Variants in TET2 observed in about 807,000 individuals in gnomAD.
TET2 encodes the protein methylcytosine dioxygenase TET2.
A neutral mutation model predicts 142.9 loss-of-function variants in TET2; 299 were observed. The ratio of observed to expected loss-of-function variants is 2.09; its 90% CI spans 1.90 to 2.30. The LOEUF (loss-of-function observed/expected upper bound fraction) is 2.30. Among genes scored for constraint, TET2 ranks in the 30% most tolerant of loss-of-function variants. TET2 has a pLI of 0.00. For synonymous variants in TET2, 819 were observed against 849.0 expected (o/e 0.96, Z 0.61); for missense variants, 2,418 against 2,378.0 (o/e 1.02, Z -0.35).
rs557318487 is a variant in TET2, at chr4:105,241,591, C to A, written c.3500+162C>A. The A allele has an allele frequency of 1.6e-4, 218 of 1,367,332 alleles. 1 individual carries two copies. In the South Asian group the frequency reaches 2.3e-3, roughly 14 times the overall value. 84.7% of individuals were successfully genotyped at this position (1,367,332 alleles called of 1,614,324 possible). On this transcript the variant is annotated intron_variant, in intron 4 of 10. Transcript: ENST00000380013. ...CCAACACTACACACTGTGCTATTCA[C>A]CAGAGAGTCACAATATTTGACAGGA...
chr4:105,239,080 T>G (rs1184733498), intron 3 of TET2: 2 of 231,150 alleles, frequency 8.7e-6, no homozygotes, highest in Non-Finnish European at 1.8e-5. Context: ...TTTTGTTTTT[T>G]TTTTTTGTTT....
intron 4 of TET2, chr4:105,242,611 T>C (rs1182823588): frequency 7.9e-7 from 1 of 1,259,746 alleles, no homozygotes; most frequent in Non-Finnish European, 1.0e-6. Flanking sequence ...ATTTACAAAA[T>C]AGTTCATTAC....
intron 2 of TET2, among the ~76,000 whole-genome samples, chr4:105,216,036 TTAAA>T (rs1727472906): frequency 1.3e-5 from 2 of 152,172 alleles, no homozygotes; most frequent in African/African-American, 4.8e-5. Context: ...TGTTCTCCCC[TTAAA>T]TAAAGTTAAT....
At chr4:105,198,941 C>A (rs1726266921) in intron 2 of TET2, among the ~76,000 whole-genome samples, 1 of 152,122 alleles carries the variant, frequency 6.6e-6, no homozygotes, top group South Asian at 2.1e-4. Flanking sequence ...TTGATACTTA[C>A]ATTTTTTTTT....
At chr4:105,215,856 G>A (rs2110563923) in intron 2 of TET2, among the ~76,000 whole-genome samples, 1 of 152,256 alleles carries the variant, frequency 6.6e-6, no homozygotes, top group South Asian at 2.1e-4. Context: ...TTTTAGCAGA[G>A]CAGTGTAGAA....
In TET2 at chr4:105,152,513, A is replaced by G. The variant is rs552026922; in HGVS notation, c.-193+5534A>G. 1.3e-3 allele frequency among the ~76,000 whole-genome samples: 199 copies of G among 151,990 alleles called. 1 individual carries two copies. The Middle Eastern group carries it at 0.014, about 10-fold the overall frequency. ...TCTCAGTCAATATTTAATGGATGATATAGAACTAGTGAAAAACCATGCAAT... is the reference window on the plus strand; with the variant it reads ...TCTCAGTCAATATTTAATGGATGATGTAGAACTAGTGAAAAACCATGCAAT... On this transcript the variant is annotated intron_variant, in intron 1 of 10. Transcript: ENST00000380013.
intron 2 of TET2, among the ~76,000 whole-genome samples, chr4:105,203,697 C>T (rs575141594): frequency 6.6e-6 from 1 of 152,242 alleles, no homozygotes; most frequent in South Asian, 2.1e-4. Context: ...TAACATAGCA[C>T]AATGCTGCCA....
At chr4:105,185,576 C>T (rs1335824865) in intron 1 of TET2, among the ~76,000 whole-genome samples, 2 of 151,830 alleles carry the variant, frequency 1.3e-5, no homozygotes, top group African/African-American at 4.8e-5. Flanking sequence ...GTCAGGAGAT[C>T]GAGACCATCC....
intron 2 of TET2, among the ~76,000 whole-genome samples, chr4:105,223,928 T>C (rs576202792): frequency 1.6e-4 from 25 of 152,262 alleles, no homozygotes; most frequent in African/African-American, 5.3e-4. Context: ...TTACCCTCAG[T>C]AATCTGAATG....
intron 3 of TET2, 55 bp from the exon 4 acceptor site, chr4:105,241,284 C>T (rs2110248295): frequency 6.7e-7 from 1 of 1,492,730 alleles, no homozygotes; most frequent in Non-Finnish European, 8.9e-7. Flanking sequence ...TGGATGTAGC[C>T]TTTATATTTA....
At position 105,259,696 on chromosome 4, in the gene TET2, A is replaced by G. The variant is rs1217739005; in HGVS notation, c.3881A>G (p.Tyr1294Cys). Residue 1294 changes from tyrosine to cysteine, a missense_variant, in exon 7 of 11, where the codon TAC (tyrosine) becomes TGC (cysteine). By Grantham distance (194) the Tyr-to-Cys change is radical. Transcript: ENST00000380013. ...TCTTTTGGTTGTTCATGGAGCATGT[A>G]CTACAATGGATGTAAGTTTGCCAGA... ...SFSFGCSWSM[Y>C]YNGCKFARSK... 1.9e-6 allele frequency: 3 copies of G among 1,551,206 alleles called. No individual in the cohort carries two copies. The highest frequency in any genetic ancestry group is 2.6e-6 in the Non-Finnish European group (3 of 1,146,620).
rs1728678121 is a variant in TET2, at chr4:105,234,113, C to T, written c.171C>T (p.Phe57=). Residue 57 remains phenylalanine, a synonymous_variant, in exon 3 of 11, where the codon TTC becomes TTT. Transcript: ENST00000380013. ...EVNGDTKWHS[F]KSYYGIPCMK... ...ATGGAGACACCAAGTGGCACTCTTT[C>T]AAAAGTTATTATGGAATACCCTGTA... is the stretch of plus-strand genomic sequence containing the variant. The T allele has an allele frequency of 6.2e-7, 1 of 1,614,058 alleles. No individual in the cohort carries two copies. The highest frequency in any genetic ancestry group is 2.2e-5 in the East Asian group (1 of 44,856).
intron 1 of TET2, among the ~76,000 whole-genome samples, chr4:105,179,254 C>T (rs1222589855): frequency 6.6e-6 from 1 of 152,162 alleles, no homozygotes; most frequent in Non-Finnish European, 1.5e-5. Context: ...TATAGTGTTT[C>T]ATTTCAAGTT....
chr4:105,218,702 G>A (rs1228214409), intron 2 of TET2, among the ~76,000 whole-genome samples: 3 of 151,898 alleles, frequency 2.0e-5, no homozygotes, highest in Non-Finnish European at 4.4e-5. Flanking sequence ...CAGCATTCTT[G>A]TTCTGACTGT....
intron 1 of TET2, among the ~76,000 whole-genome samples, chr4:105,185,172 T>A (rs534904936): frequency 6.6e-6 from 1 of 150,888 alleles, no homozygotes; most frequent in Non-Finnish European, 1.5e-5. Context: ...GAGAAGAGGT[T>A]TTTTTTTTTC....
rs1482077501 is a variant in TET2, at chr4:105,277,069, C to T, written c.*550C>T. 1 of 232,282 alleles carries T rather than the reference C, an allele frequency of 4.3e-6. No individual in the cohort carries two copies. Among genetic ancestry groups the T allele is most frequent in the Non-Finnish European group, 8.5e-6 (1 of 117,674 alleles). The allele number at this position is 232,282 out of a possible 1,614,324, so 14.4% of individuals were successfully genotyped here. ...TATTTATCAAAATAGCTACAGGAAA[C>T]ATGAATAGCAGGAAAACACTGAATT... is the stretch of plus-strand genomic sequence containing the variant. On this transcript the variant is annotated 3_prime_UTR_variant, in exon 11 of 11. Coordinates refer to ENST00000380013, the MANE Select transcript of TET2 (RefSeq NM_001127208.3).
chr4:105,270,698 A>G (rs989489448), intron 9 of TET2, among the ~76,000 whole-genome samples: 2 of 137,828 alleles, frequency 1.5e-5, no homozygotes, highest in African/African-American at 2.8e-5. Flanking sequence ...ATATATATAT[A>G]TGTTCTATAC....
At chr4:105,243,864 G>C in intron 6 of TET2, 86 bp downstream of exon 6, 1 of 1,247,590 alleles carries the variant, frequency 8.0e-7, no homozygotes, top group Non-Finnish European at 1.1e-6. Context: ...AGTTCAGCGT[G>C]CACTTTTACA....
chr4:105,209,714 A>G (rs1422536632), intron 2 of TET2, among the ~76,000 whole-genome samples: 1 of 152,266 alleles, frequency 6.6e-6, no homozygotes, highest in Middle Eastern at 3.4e-3. Context: ...AAAATTAAGA[A>G]ATGTTGTAGG....
Sources: allele counts gnomAD v4.1 joint callset (sites outside exome capture counted in the v4.1 genomes callset), GRCh38; gene constraint gnomAD v4.1.1; transcripts MANE v1.5; gene names NCBI Gene and HGNC (gene_info 2026-07-23, HGNC 2026-07-21).